Variants in PDZD2 observed in about 807,000 individuals in gnomAD.
PDZD2 encodes PDZ domain-containing protein 2.
PDZD2 carries 90 observed loss-of-function variants against 220.7 expected under a neutral mutation model. That is an observed-to-expected ratio of 0.41 (90% CI 0.34 to 0.49). The LOEUF (loss-of-function observed/expected upper bound fraction) is 0.49. Ranked by LOEUF, PDZD2 falls within the 20% of genes least tolerant of loss-of-function variation. PDZD2 has a pLI of 0.28. For synonymous variants in PDZD2, 1,375 were observed against 1,450.5 expected (o/e 0.95, Z 1.18); for missense variants, 3,174 against 3,608.5 (o/e 0.88, Z 3.08).
At position 32,072,246 on chromosome 5, in the gene PDZD2, C is replaced by G; in HGVS notation, c.2654C>G (p.Ser885Cys). 1 of 1,614,080 alleles carries G rather than the reference C, an allele frequency of 6.2e-7. No individual in the cohort carries two copies. The highest frequency in any genetic ancestry group is 8.5e-7 in the Non-Finnish European group (1 of 1,179,914). Residue 885 changes from serine to cysteine, a missense_variant, in exon 17 of 25, where the codon TCT becomes TGT. Ser to Cys is a moderately radical substitution (Grantham distance 112, BLOSUM62 -1). Coordinates refer to ENST00000438447, the MANE Select transcript of PDZD2 (RefSeq NM_178140.4). ...GPLSDFMVAG[S>C]EDEDHPGSGC... ...TTGTCAGACTTCATGGTGGCCGGTT[C>G]TGAGGACGAGGATCACCCGGGAAGT...
intron 2 of PDZD2, among the ~76,000 whole-genome samples, chr5:31,905,658 G>A (rs1454230524): frequency 2.0e-5 from 3 of 152,174 alleles, no homozygotes; most frequent in Admixed American, 1.3e-4. Flanking sequence ...TAACCTTCCC[G>A]CTAAGAACTT....
intron 1 of PDZD2, chr5:31,754,139 TTAA>T (rs1751171662): frequency 6.6e-6 from 1 of 152,202 alleles, no homozygotes; most frequent in Admixed American, 6.5e-5. Context: ...AATTGTAGGT[TTAA>T]TAATAATGAT....
chr5:32,086,972 C>T (rs370177613), intron 19 of PDZD2, among the ~76,000 whole-genome samples, 159 bp from the exon 20 acceptor site: 7 of 151,306 alleles, frequency 4.6e-5, no homozygotes, highest in Admixed American at 3.3e-4. Context: ...TACAAGCATG[C>T]GCCACCACGC....
chr5:31,733,289 C>T (rs10520989), intron 1 of PDZD2, among the ~76,000 whole-genome samples: 20,049 of 152,076 alleles, frequency 0.13, 1,454 homozygotes, highest in East Asian at 0.22. Context: ...AATTTCAAAC[C>T]GTATTTAGCA....
intron 2 of PDZD2, chr5:31,854,966 A>G: frequency 1.0e-6 from 1 of 985,378 alleles, no homozygotes; most frequent in Non-Finnish European, 1.2e-6. Flanking sequence ...GCCTTCGGGA[A>G]GTCCTGCAGG....
chr5:32,108,794 G>A lies in PDZD2; in HGVS notation c.*659G>A, dbSNP rs555179199. ...GTAATGTATAATGTACGTATGCAAA[G>A]TTCAACTCAATAGGTTATTGATCAC... is the stretch of plus-strand genomic sequence containing the variant. On this transcript the variant is annotated 3_prime_UTR_variant, in exon 25 of 25. Coordinates refer to ENST00000438447, the MANE Select transcript of PDZD2 (RefSeq NM_178140.4). 4.6e-5 allele frequency: 7 copies of A among 152,778 alleles called. No homozygotes were observed. The highest frequency in any genetic ancestry group is 1.7e-4 in the African/African-American group (7 of 41,578). 9.5% of individuals were successfully genotyped at this position (152,778 alleles called of 1,614,324 possible). A position where few individuals can be genotyped will look rare whatever the true frequency, so the allele number is the denominator to read the frequency against.
At chr5:31,814,173 T>A (rs1198084826) in intron 2 of PDZD2, among the ~76,000 whole-genome samples, 1 of 152,180 alleles carries the variant, frequency 6.6e-6, no homozygotes, top group Non-Finnish European at 1.5e-5. Flanking sequence ...AAACAATGGT[T>A]TATGGGAAAA....
intron 3 of PDZD2, among the ~76,000 whole-genome samples, chr5:31,994,511 G>A (rs940872601): frequency 3.3e-5 from 5 of 151,148 alleles, no homozygotes; most frequent in African/African-American, 1.2e-4. Flanking sequence ...TTGTTTTTTT[G>A]GTGATGGAGT....
chr5:31,995,879 G>A (rs961174961), intron 4 of PDZD2, among the ~76,000 whole-genome samples, 161 bp downstream of exon 4: 4 of 152,108 alleles, frequency 2.6e-5, no homozygotes, highest in African/African-American at 4.8e-5. Flanking sequence ...AGAGTGGTTC[G>A]AATTGAACAC....
chr5:31,812,856 C>A (rs1223008560), intron 2 of PDZD2, among the ~76,000 whole-genome samples: 1 of 152,182 alleles, frequency 6.6e-6, no homozygotes, highest in Non-Finnish European at 1.5e-5. Context: ...GCTGGTATTA[C>A]AGGAGTGAGC....
intron 2 of PDZD2, among the ~76,000 whole-genome samples, chr5:31,831,443 G>A (rs189670542): frequency 4.6e-4 from 68 of 148,146 alleles, no homozygotes; most frequent in African/African-American, 1.6e-3. Context: ...GTGAAACCCC[G>A]TCTCCACTAA....
chr5:31,700,214 T>G (rs1747556282), intron 1 of PDZD2, among the ~76,000 whole-genome samples: 2 of 150,190 alleles, frequency 1.3e-5, no homozygotes, highest in African/African-American at 2.5e-5. Flanking sequence ...CTAGAGGGAG[T>G]AGAAGAGGAA....
intron 24 of PDZD2, among the ~76,000 whole-genome samples, chr5:32,104,741 A>C (rs1463482543): frequency 6.7e-6 from 1 of 149,404 alleles, no homozygotes; most frequent in Non-Finnish European, 1.5e-5. Context: ...AAAAAAAAAA[A>C]AAAAACATAT....
chr5:31,738,995 C>A (rs967823581), intron 1 of PDZD2, among the ~76,000 whole-genome samples: 2 of 152,018 alleles, frequency 1.3e-5, no homozygotes, highest in African/African-American at 4.8e-5. Flanking sequence ...AAGCAATTCT[C>A]CTGCCTCAGC....
intron 2 of PDZD2, among the ~76,000 whole-genome samples, chr5:31,968,670 C>G (rs912566982): frequency 7.5e-6 from 1 of 133,402 alleles, no homozygotes; most frequent in African/African-American, 2.8e-5. Context: ...AACAAACAAA[C>G]AAACAAAAAA....
chr5:31,878,554 G>GTTTT (rs1411853055), intron 2 of PDZD2, among the ~76,000 whole-genome samples: 1 of 39,264 alleles, frequency 2.5e-5, no homozygotes, highest in Non-Finnish European at 5.3e-5. Context: ...GATGACCTCG[G>GTTTT]CTTTTTTTTT....
At chr5:31,986,351 T>C (rs1019063144) in intron 3 of PDZD2, among the ~76,000 whole-genome samples, 1 of 152,190 alleles carries the variant, frequency 6.6e-6, no homozygotes, top group African/African-American at 2.4e-5. Flanking sequence ...TCATACTTTT[T>C]GTCTTGGTAA....
At chr5:31,820,892 C>G (rs546686083) in intron 2 of PDZD2, among the ~76,000 whole-genome samples, 7 of 151,886 alleles carry the variant, frequency 4.6e-5, no homozygotes, top group Admixed American at 2.0e-4. Context: ...CTTATTTGAT[C>G]AGGAAGTTTG....
chr5:31,670,858 C>T (rs772161824), intron 1 of PDZD2, among the ~76,000 whole-genome samples: 1 of 152,102 alleles, frequency 6.6e-6, no homozygotes, highest in Non-Finnish European at 1.5e-5. Context: ...GAGGCAACTG[C>T]GGTGACAGCC....
Sources: allele counts gnomAD v4.1 joint callset (sites outside exome capture counted in the v4.1 genomes callset), GRCh38; gene constraint gnomAD v4.1.1; transcripts MANE v1.5; gene names NCBI Gene and HGNC (gene_info 2026-07-23, HGNC 2026-07-21).